The following HSD17B3 variants were observed in gnomAD, a reference collection of about 807,000 sequenced individuals.
HSD17B3 encodes the protein 17-beta-hydroxysteroid dehydrogenase type 3.
A neutral mutation model predicts 41.1 loss-of-function variants in HSD17B3; 29 were observed. That is an observed-to-expected ratio of 0.71 (90% CI 0.53 to 0.96). HSD17B3 has a LOEUF of 0.96. HSD17B3 is among the 40% of genes least tolerant of loss of function. The pLI, the probability that HSD17B3 is intolerant of heterozygous loss-of-function variation, is 0.00. For missense variants in HSD17B3, 323 were observed against 374.6 expected (o/e 0.86, Z 1.14); for synonymous variants, 126 against 145.6 (o/e 0.87, Z 0.97).
At chr9:96,279,863 A>G (rs1587769767) in intron 2 of HSD17B3, among the ~76,000 whole-genome samples, 1 of 151,284 alleles carries the variant, frequency 6.6e-6, no homozygotes, top group Admixed American at 6.6e-5. Context: ...TCCGCCTCCC[A>G]GGTTCACGCC....
intron 2 of HSD17B3, among the ~76,000 whole-genome samples, chr9:96,276,801 A>T (rs1026938207): frequency 6.6e-6 from 1 of 152,252 alleles, no homozygotes; most frequent in Non-Finnish European, 1.5e-5. Flanking sequence ...CCATAAGATT[A>T]TTAGAGGAAG....
chr9:96,295,582 T>G (rs1157055915), intron 2 of HSD17B3, among the ~76,000 whole-genome samples: 1 of 150,538 alleles, frequency 6.6e-6, no homozygotes, highest in Non-Finnish European at 1.5e-5. Flanking sequence ...TGATCCACCC[T>G]CCTCGGCCTC....
chr9:96,257,207 G>C (rs1350499752), intron 2 of HSD17B3, among the ~76,000 whole-genome samples: 1 of 152,130 alleles, frequency 6.6e-6, no homozygotes, highest in Non-Finnish European at 1.5e-5. Flanking sequence ...CTTTATTGCA[G>C]TGCAAGAACG....
chr9:96,256,650 G>A (rs1288885880), intron 2 of HSD17B3, among the ~76,000 whole-genome samples: 1 of 151,976 alleles, frequency 6.6e-6, no homozygotes, highest in Non-Finnish European at 1.5e-5. Context: ...CAGCCTGGGT[G>A]ACAGAGCAAG....
At chr9:96,259,452 T>A (rs191074307) in intron 2 of HSD17B3, among the ~76,000 whole-genome samples, 1 of 152,146 alleles carries the variant, frequency 6.6e-6, no homozygotes, top group Non-Finnish European at 1.5e-5. Flanking sequence ...GCCGGGCACA[T>A]TGGCTCATGC....
At chr9:96,239,658 G>C (rs1587709146) in intron 10 of HSD17B3, 1 of 152,220 alleles carries the variant, frequency 6.6e-6, no homozygotes, top group East Asian at 1.9e-4. Context: ...GAAAGACAGA[G>C]AGAGATCCAA....
At chr9:96,243,673 G>A (rs1836541652) in intron 9 of HSD17B3, among the ~76,000 whole-genome samples, 1 of 152,208 alleles carries the variant, frequency 6.6e-6, no homozygotes. Flanking sequence ...CTCTGTTGCT[G>A]AACCAAGCAC....
At chr9:96,279,815 G>T (rs1826613828) in intron 2 of HSD17B3, among the ~76,000 whole-genome samples, 1 of 151,690 alleles carries the variant, frequency 6.6e-6, no homozygotes, top group Admixed American at 6.6e-5. Flanking sequence ...TGTCACCCAG[G>T]CTGGAGTGCA....
intron 10 of HSD17B3, among the ~76,000 whole-genome samples, chr9:96,237,047 C>A (rs1836263151): frequency 6.6e-6 from 1 of 152,154 alleles, no homozygotes; most frequent in Admixed American, 6.5e-5. Context: ...CTGACCTCTC[C>A]TCCCACTAGC....
chr9:96,287,493 G>A (rs1457789751), intron 2 of HSD17B3, among the ~76,000 whole-genome samples: 8 of 151,942 alleles, frequency 5.3e-5, no homozygotes, highest in Non-Finnish European at 1.0e-4. Flanking sequence ...GGCGGATCAC[G>A]AGGTCAGGAG....
chr9:96,240,619 C>T (rs1245746187), intron 10 of HSD17B3, 139 bp downstream of exon 10: 22 of 892,114 alleles, frequency 2.5e-5, no homozygotes, highest in Non-Finnish European at 3.2e-5. Flanking sequence ...CTCTCCACCT[C>T]GCCACATAGT....
chr9:96,299,964 A>T lies in HSD17B3; in HGVS notation c.155-1502T>A, dbSNP rs534308292. Among the ~76,000 whole-genome samples the T allele has an allele frequency of 1.8e-4, 27 of 152,198 alleles. 1 individual carries two copies. The East Asian group carries it at 5.0e-3, about 28-fold the overall frequency. On this transcript the variant is annotated intron_variant, in intron 1 of 10. Transcript: ENST00000375263. ...TCTTGACTCATAAAAACAGGTTAAG[A>T]TCATGTTTTTCCTTTGAGTCACCAA...
chr9:96,255,311 T>C (rs1825589016), intron 2 of HSD17B3, among the ~76,000 whole-genome samples: 1 of 149,526 alleles, frequency 6.7e-6, no homozygotes. Flanking sequence ...ATATCTTATG[T>C]AGCAGGGGGT....
chr9:96,244,707 T>A (rs1306752267), intron 8 of HSD17B3, among the ~76,000 whole-genome samples: 2 of 152,164 alleles, frequency 1.3e-5, no homozygotes, highest in African/African-American at 4.8e-5. Flanking sequence ...ATATGTTAAT[T>A]CGCTTGACTT....
chr9:96,282,583 T>G (rs763975767), intron 2 of HSD17B3, among the ~76,000 whole-genome samples: 1 of 152,252 alleles, frequency 6.6e-6, no homozygotes, highest in Non-Finnish European at 1.5e-5. Context: ...CTAGCTATGC[T>G]GGAGTCAGCC....
chr9:96,270,962 G>GA (rs928006420), intron 2 of HSD17B3, among the ~76,000 whole-genome samples: 1 of 144,530 alleles, frequency 6.9e-6, no homozygotes, highest in Non-Finnish European at 1.5e-5. Flanking sequence ...TCGGGGGGGG[G>GA]GGTTAAGATT....
At chr9:96,281,608 T>C (rs1236851618) in intron 2 of HSD17B3, among the ~76,000 whole-genome samples, 3 of 152,188 alleles carry the variant, frequency 2.0e-5, no homozygotes, top group African/African-American at 2.4e-5. Flanking sequence ...CTACGGGATG[T>C]TAACTGCTTT....
chr9:96,298,201 G>A (rs1827437650), intron 2 of HSD17B3, among the ~76,000 whole-genome samples: 2 of 152,134 alleles, frequency 1.3e-5, no homozygotes, highest in African/African-American at 4.8e-5. Flanking sequence ...CAATCCCTAA[G>A]GCAAGGTACT....
chr9:96,265,469 A>C (rs1826017554), intron 2 of HSD17B3, among the ~76,000 whole-genome samples: 1 of 152,236 alleles, frequency 6.6e-6, no homozygotes, highest in Non-Finnish European at 1.5e-5. Context: ...ATTTGGCTAA[A>C]TGGCCACAAC....
Sources: gnomAD v4.1 joint callset for allele counts (sites outside exome capture counted in the v4.1 genomes callset) on GRCh38, gnomAD v4.1.1 for gene constraint, MANE v1.5 for transcripts, NCBI Gene and HGNC (gene_info 2026-07-23, HGNC 2026-07-21) for gene names.